The following VRTN variants were observed in gnomAD, a reference collection of about 807,000 sequenced individuals.
VRTN encodes vertnin.
Under a neutral mutation model 18.2 loss-of-function variants are expected in VRTN, and 5 were observed. The observed-to-expected ratio is 0.27, with a 90% CI of 0.14 to 0.58. The LOEUF is 0.58. Among genes scored for constraint, VRTN ranks in the 20% least tolerant of loss-of-function variants. The probability of loss-of-function intolerance (pLI) is 0.91; values close to 1 mark genes in which losing one functional copy is unlikely to be tolerated. For synonymous variants in VRTN, 381 were observed against 393.7 expected (o/e 0.97, Z 0.38); for missense variants, 741 against 939.4 (o/e 0.79, Z 2.76).
At chr14:74,344,407 CA>C (rs58231760), upstream of VRTN, among the ~76,000 whole-genome samples, 52 of 66,294 alleles carry the variant, frequency 7.8e-4, no homozygotes, top group South Asian at 0.012. Flanking sequence ...AAGACTGTCT[CA>C]AAAAAAAAAA....
rs148551721 is a variant in VRTN, at chr14:74,358,193, G to T, written c.1410G>T (p.Gly470=). ...CCCAGCTAGCATCTGTTGGGGAAGGGGCTGTAATTCCTTGGAAGAGTGAGG... is the reference window on the plus strand; with the variant it reads ...CCCAGCTAGCATCTGTTGGGGAAGGTGCTGTAATTCCTTGGAAGAGTGAGG... ...GTPQLASVGE[G]AVIPWKSEAE... is the part of the protein sequence containing the mutation. The change falls in exon 2 of 2, where the codon GGG becomes GGT. Residue 470 remains glycine, a synonymous_variant. Transcript: ENST00000256362. The surrounding 1 kb of genome is among the most constrained non-coding windows in gnomAD (Gnocchi z 5.4). 1.1e-4 allele frequency: 184 copies of T among 1,613,724 alleles called. No individual in the cohort carries two copies. The African/African-American group carries it at 2.1e-3, about 19-fold the overall frequency.
intron 1 of VRTN, among the ~76,000 whole-genome samples, chr14:74,351,710 G>T (rs1351397634): frequency 6.6e-6 from 1 of 151,728 alleles, no homozygotes; most frequent in Non-Finnish European, 1.5e-5. Context: ...TAACTCCTAG[G>T]GCTCAAGCTA....
intron 1 of VRTN, among the ~76,000 whole-genome samples, chr14:74,329,533 C>A (rs66824660): frequency 0.11 from 16,267 of 151,784 alleles, 1,780 homozygotes; most frequent in African/African-American, 0.27. Flanking sequence ...TTGGGTCTAC[C>A]AAGTGCTGGG....
At chr14:74,356,485 A>G (rs1275467711) in intron 1 of VRTN, among the ~76,000 whole-genome samples, 1 of 152,196 alleles carries the variant, frequency 6.6e-6, no homozygotes, top group East Asian at 1.9e-4. Flanking sequence ...TGCCTGGCCT[A>G]TAAAGCAGAT....
chr14:74,309,495 T>C (rs547536644), intron 1 of VRTN, among the ~76,000 whole-genome samples: 1 of 152,284 alleles, frequency 6.6e-6, no homozygotes, highest in Admixed American at 6.5e-5. Flanking sequence ...AGCTCTTAAG[T>C]GATTCTTGTG....
At chr14:74,311,884 T>G (rs1002324543) in intron 1 of VRTN, among the ~76,000 whole-genome samples, 2 of 151,966 alleles carry the variant, frequency 1.3e-5, no homozygotes, top group Non-Finnish European at 2.9e-5. Context: ...TTCTCCTGCC[T>G]CAGGCTCCTG....
chr14:74,320,949 G>A (rs1239325396), intron 1 of VRTN, among the ~76,000 whole-genome samples: 4 of 150,910 alleles, frequency 2.7e-5, no homozygotes, highest in Admixed American at 2.0e-4. Context: ...CAGCAAGGGT[G>A]GATCAACTGT....
At chr14:74,335,826 C>T (rs1327538485) in intron 1 of VRTN, among the ~76,000 whole-genome samples, 1 of 151,150 alleles carries the variant, frequency 6.6e-6, no homozygotes, top group African/African-American at 2.4e-5. Context: ...CTGCAACCTC[C>T]GCCTCTTGGG....
In VRTN at chr14:74,357,050, G is replaced by A. The variant is rs374397954; in HGVS notation, c.267G>A (p.Ala89=). 3.9e-5 allele frequency: 63 copies of A among 1,609,200 alleles called. No individual in the cohort carries two copies. Among genetic ancestry groups the A allele is most frequent in the East Asian group, 3.1e-4 (14 of 44,828 alleles). ...GGGAGGGCAGCCTGCTGTTCGAGGCGGCCAGCATGCTGCTGTGGGGTGACG... is the reference window on the plus strand; with the variant it reads ...GGGAGGGCAGCCTGCTGTTCGAGGCAGCCAGCATGCTGCTGTGGGGTGACG... The part of the protein sequence containing the change: ...CKGEGSLLFE[A]ASMLLWGDAG... The change falls in exon 2 of 2, where the codon GCG becomes GCA. Residue 89 remains alanine (A), a synonymous_variant. Transcript: ENST00000256362. This position sits in a 1 kb window ranked among gnomAD's most constrained non-coding sequence, Gnocchi z 7.8.
chr14:74,333,640 G>GACC (rs760987285), intron 1 of VRTN, among the ~76,000 whole-genome samples: 22 of 152,006 alleles, frequency 1.4e-4, no homozygotes, highest in Admixed American at 5.9e-4. Context: ...AGGAGTTCAA[G>GACC]ACCAGCCTGA....
intron 1 of VRTN, among the ~76,000 whole-genome samples, chr14:74,309,268 C>A (rs1355660568): frequency 6.6e-6 from 1 of 152,142 alleles, no homozygotes; most frequent in Admixed American, 6.6e-5. Flanking sequence ...TCTCGCTCCA[C>A]CCCAAGAGGA....
intron 1 of VRTN, among the ~76,000 whole-genome samples, chr14:74,313,602 C>T (rs567352304): frequency 6.6e-6 from 1 of 152,144 alleles, no homozygotes; most frequent in Non-Finnish European, 1.5e-5. Flanking sequence ...CCTGCTGTCA[C>T]GTCCTCTAGA....
upstream of VRTN, among the ~76,000 whole-genome samples, chr14:74,347,684 A>G (rs1486293308): frequency 6.6e-6 from 1 of 152,222 alleles, no homozygotes. Context: ...CCCCATCAGC[A>G]GGGGCTGGAC....
At chr14:74,340,107 T>C (rs2085591201) in intron 2 of VRTN, among the ~76,000 whole-genome samples, 1 of 132,702 alleles carries the variant, frequency 7.5e-6, no homozygotes, top group African/African-American at 3.1e-5. Flanking sequence ...AGCTAATGTT[T>C]GTATTTTTTT....
chr14:74,313,264 A>C (rs1308619418), intron 1 of VRTN, among the ~76,000 whole-genome samples: 1 of 152,044 alleles, frequency 6.6e-6, no homozygotes, highest in African/African-American at 2.4e-5. Flanking sequence ...TTCACTAAAC[A>C]CTTCTGTGAT....
Position 74,358,388 on chromosome 14 carries a change from C to A in VRTN, c.1605C>A (p.Ser535Arg), listed in dbSNP as rs1473367607. ...GCCGCTTCCGCCTCCGCTACCCCAG[C>A]CTGTCACCTTCTGCCTTTTGGGTCT... ...PFCRFRLRYP[S>R]LSPSAFWVWK... The change falls in exon 2 of 2, where the codon AGC becomes AGA. Residue 535 changes from serine (S) to arginine (R), a missense_variant. By Grantham distance (110) the Ser-to-Arg change is moderately radical. Coordinates refer to ENST00000256362, the MANE Select transcript of VRTN (RefSeq NM_018228.3). This position sits in a 1 kb window ranked among gnomAD's most constrained non-coding sequence, Gnocchi z 5.4. 5.0e-6 allele frequency: 8 copies of A among 1,613,950 alleles called. 1 individual carries two copies. In the South Asian group the frequency reaches 8.8e-5, roughly 18 times the overall value.
intron 1 of VRTN, among the ~76,000 whole-genome samples, chr14:74,315,892 G>C (rs2085416637): frequency 6.6e-6 from 1 of 152,264 alleles, no homozygotes; most frequent in Non-Finnish European, 1.5e-5. Context: ...GCACCAGAGT[G>C]GACATGGCCC....
chr14:74,317,828 A>G (rs974644276), intron 1 of VRTN, among the ~76,000 whole-genome samples: 1 of 151,832 alleles, frequency 6.6e-6, no homozygotes, highest in Non-Finnish European at 1.5e-5. Context: ...AACAAAAAAA[A>G]CAAAATCTCA....
intron 1 of VRTN, among the ~76,000 whole-genome samples, chr14:74,351,495 GTTTTTTTTTT>G (rs59810913): frequency 2.2e-5 from 2 of 89,694 alleles, no homozygotes; most frequent in Non-Finnish European, 4.5e-5. Context: ...TGATTACCAG[GTTTTTTTTTT>G]TTTTTTTTTT....
Sources: allele counts gnomAD v4.1 joint callset (sites outside exome capture counted in the v4.1 genomes callset), GRCh38; gene constraint gnomAD v4.1.1; non-coding constraint Gnocchi (gnomAD v3.1); transcripts MANE v1.5; gene names NCBI Gene and HGNC (gene_info 2026-07-23, HGNC 2026-07-21).